The following CNDP1 variants were observed in gnomAD, a reference collection of about 807,000 sequenced individuals.
CNDP1 encodes the protein beta-Ala-His dipeptidase.
CNDP1 carries 44 observed loss-of-function variants against 58.1 expected under a neutral mutation model. The ratio of observed to expected loss-of-function variants is 0.76; its 90% CI spans 0.60 to 0.97. The LOEUF is 0.97. Ranked by LOEUF, CNDP1 falls within the 50% of genes least tolerant of loss-of-function variation. CNDP1 has a pLI of 0.00. For synonymous variants in CNDP1, 254 were observed against 252.6 expected, an observed-to-expected ratio of 1.01 and a Z score of -0.05; for missense variants, 616 against 655.1, an observed-to-expected ratio of 0.94 and a Z score of 0.65.
At chr18:74,560,184 C>T (rs1974963) in intron 3 of CNDP1, among the ~76,000 whole-genome samples, 34,365 of 151,684 alleles carry the variant, frequency 0.23, 4,215 homozygotes, top group African/African-American at 0.31. Flanking sequence ...CCCAGCTAAT[C>T]TTTGTATTTT....
intron 1 of CNDP1, among the ~76,000 whole-genome samples, chr18:74,544,623 C>A (rs888022542): frequency 1.5e-4 from 20 of 137,182 alleles, no homozygotes; most frequent in Non-Finnish European, 2.6e-4. Flanking sequence ...GAGGCTGAGG[C>A]AAGAAAAATC....
At chr18:74,563,179 G>A (rs1256288572) in intron 5 of CNDP1, among the ~76,000 whole-genome samples, 1 of 152,174 alleles carries the variant, frequency 6.6e-6, no homozygotes, top group African/African-American at 2.4e-5. Flanking sequence ...TGGGAGGGGA[G>A]TTAAGTACTC....
chr18:74,568,872 G>A (rs1981396695), intron 6 of CNDP1, among the ~76,000 whole-genome samples: 1 of 152,102 alleles, frequency 6.6e-6, no homozygotes, highest in African/African-American at 2.4e-5. Context: ...CAGTGGCCAG[G>A]GACAGAGAAG....
intron 1 of CNDP1, 99 bp from the exon 2 acceptor site, chr18:74,556,239 C>T: frequency 7.6e-7 from 1 of 1,314,278 alleles, no homozygotes; most frequent in East Asian, 2.3e-5. Context: ...CTGGAGGCAG[C>T]TGTGTGAGGT....
intron 5 of CNDP1, among the ~76,000 whole-genome samples, chr18:74,564,106 T>G (rs1981268398): frequency 6.6e-6 from 1 of 152,230 alleles, no homozygotes. Flanking sequence ...AATTACCACA[T>G]AACTTATTAT....
chr18:74,554,478 C>A (rs1980986032), intron 1 of CNDP1, among the ~76,000 whole-genome samples: 1 of 152,222 alleles, frequency 6.6e-6, no homozygotes, highest in Non-Finnish European at 1.5e-5. Flanking sequence ...AGAGACAGAA[C>A]ACAGCTCCCT....
At position 74,534,842 on chromosome 18, in the gene CNDP1, G is replaced by A. The variant is rs74992275; in HGVS notation, c.24+151G>A. 2.2e-3 allele frequency: 1,630 copies of A among 757,888 alleles called. 20 individuals are homozygous for A. In the African/African-American group the frequency reaches 0.025, roughly 12 times the overall value. The allele number at this position is 757,888 out of a possible 1,614,324, so 46.9% of individuals were successfully genotyped here. On this transcript the variant is annotated intron_variant, in intron 1 of 11. Coordinates refer to ENST00000358821, the MANE Select transcript of CNDP1 (RefSeq NM_032649.6). ...CATGGTGTTCTTAGGTGCTGTCTTG[G>A]CCGAGGAATGTGGTATTTGGAATTA...
intron 1 of CNDP1, among the ~76,000 whole-genome samples, chr18:74,542,654 T>G (rs1314546214): frequency 6.6e-6 from 1 of 152,208 alleles, no homozygotes; most frequent in Non-Finnish European, 1.5e-5. Flanking sequence ...ACCTCCTGAG[T>G]TGCTGGGACT....
chr18:74,553,620 G>T (rs2144650015), intron 1 of CNDP1, among the ~76,000 whole-genome samples: 1 of 152,272 alleles, frequency 6.6e-6, no homozygotes. Context: ...TGATATGTAT[G>T]TGTGTCCTTA....
At chr18:74,561,971 T>G in intron 4 of CNDP1, 76 bp from the exon 5 acceptor site, 2 of 1,229,978 alleles carry the variant, frequency 1.6e-6, no homozygotes, top group East Asian at 4.7e-5. Flanking sequence ...TCAGTACCCA[T>G]GAAACGACAT....
At chr18:74,584,446 A>G in intron 11 of CNDP1, 50 bp from the exon 12 acceptor site, 1 of 1,303,610 alleles carries the variant, frequency 7.7e-7, no homozygotes, top group Non-Finnish European at 1.1e-6. Context: ...TTCCTCCTTC[A>G]TTTGAATGGA....
chr18:74,564,372 T>C (rs1459938674), intron 5 of CNDP1, among the ~76,000 whole-genome samples: 1 of 152,138 alleles, frequency 6.6e-6, no homozygotes, highest in Non-Finnish European at 1.5e-5. Context: ...GTTGTAAAAA[T>C]TTTAAAGGAG....
chr18:74,539,042 T>C (rs976015060), intron 1 of CNDP1, among the ~76,000 whole-genome samples: 7 of 152,158 alleles, frequency 4.6e-5, no homozygotes, highest in Admixed American at 2.0e-4. Flanking sequence ...ATTCTGCTGT[T>C]GGTTTGCACA....
rs1981908634 is a variant in CNDP1, at chr18:74,586,095, G to A, written c.*1533G>A. ...GATGTCAGTGTCAGTTTAAAAACGT[G>A]CTGTACCACCTTTAAAAGGACTGGA... On this transcript the variant is annotated 3_prime_UTR_variant, in exon 12 of 12. Transcript: ENST00000358821. 6.6e-6 allele frequency: 1 copy of A among 151,492 alleles called. No homozygotes were observed. Among genetic ancestry groups the A allele is most frequent in the Admixed American group, 6.6e-5 (1 of 15,210 alleles). 9.4% of individuals were successfully genotyped at this position (151,492 alleles called of 1,614,324 possible).
intron 1 of CNDP1, among the ~76,000 whole-genome samples, chr18:74,540,155 ATCTT>A (rs985324145): frequency 4.7e-5 from 7 of 149,864 alleles, no homozygotes; most frequent in African/African-American, 1.7e-4. Flanking sequence ...TGTGGTATAA[ATCTT>A]TTTTTTTTTT....
At chr18:74,570,176 G>A (rs7504932) in intron 6 of CNDP1, among the ~76,000 whole-genome samples, 44,473 of 148,646 alleles carry the variant, frequency 0.3, 7,511 homozygotes, top group East Asian at 0.46. Context: ...TCCTGCCTGG[G>A]TGACAGAGCA....
chr18:74,581,973 G>T (rs975431534), intron 10 of CNDP1, among the ~76,000 whole-genome samples: 1 of 152,186 alleles, frequency 6.6e-6, no homozygotes, highest in Non-Finnish European at 1.5e-5. Flanking sequence ...TCTCTCTCAG[G>T]GTTATCAGTA....
chr18:74,546,665 A>G (rs1416603264), intron 1 of CNDP1, among the ~76,000 whole-genome samples: 1 of 152,090 alleles, frequency 6.6e-6, no homozygotes, highest in East Asian at 1.9e-4. Flanking sequence ...CTCTCCCTGC[A>G]AACCACGGAA....
intron 9 of CNDP1, 116 bp downstream of exon 9, chr18:74,578,443 C>A: frequency 1.9e-6 from 2 of 1,051,918 alleles, no homozygotes; most frequent in Middle Eastern, 2.2e-4. Context: ...TTTTTTCCAA[C>A]ACAAGAGGAG....
Sources: gnomAD v4.1 joint callset for allele counts (sites outside exome capture counted in the v4.1 genomes callset) on GRCh38, gnomAD v4.1.1 for gene constraint, MANE v1.5 for transcripts, NCBI Gene and HGNC (gene_info 2026-07-23, HGNC 2026-07-21) for gene names.